MSRA: variants seen among roughly 807,000 people sequenced by gnomAD.
MSRA encodes mitochondrial peptide methionine sulfoxide reductase.
A neutral mutation model predicts 31.3 loss-of-function variants in MSRA; 54 were observed. The observed-to-expected ratio is 1.73, with a 90% CI of 1.39 to 2.17. MSRA has a LOEUF of 2.17. Among genes scored for constraint, MSRA ranks in the 30% most tolerant of loss-of-function variants. MSRA has a pLI of 0.00. For missense variants in MSRA, 507 were observed against 300.9 expected (o/e 1.69, Z -5.07); for synonymous variants, 169 against 116.5 (o/e 1.45, Z -2.90).
At chr8:10,308,274 T>C (rs1338130054) in intron 4 of MSRA, among the ~76,000 whole-genome samples, 1 of 152,250 alleles carries the variant, frequency 6.6e-6, no homozygotes, top group Non-Finnish European at 1.5e-5. Context: ...CCAGTTACCC[T>C]TCTGAAAGCC....
At chr8:10,080,352 C>T (rs773548220) in intron 1 of MSRA, among the ~76,000 whole-genome samples, 3 of 150,758 alleles carry the variant, frequency 2.0e-5, no homozygotes, top group Non-Finnish European at 4.4e-5. Flanking sequence ...CTTACAGAGA[C>T]CAACCCTGTT....
intron 1 of MSRA, among the ~76,000 whole-genome samples, chr8:10,063,197 T>A (rs1286918665): frequency 6.6e-6 from 1 of 152,128 alleles, no homozygotes; most frequent in Admixed American, 6.5e-5. Context: ...GCAGTCAGGG[T>A]CATCTTTGAG....
chr8:10,123,461 G>A (rs1387243142), intron 1 of MSRA, among the ~76,000 whole-genome samples: 1 of 152,160 alleles, frequency 6.6e-6, no homozygotes, highest in Non-Finnish European at 1.5e-5. Flanking sequence ...CTCCCATTCT[G>A]TAGGTTGTCT....
At chr8:10,315,159 C>T (rs1398770613) in intron 4 of MSRA, among the ~76,000 whole-genome samples, 3 of 152,168 alleles carry the variant, frequency 2.0e-5, no homozygotes, top group Non-Finnish European at 4.4e-5. Flanking sequence ...ACCTGCCCCC[C>T]GTGATTCAGT....
chr8:10,341,242 G>T (rs1803408008), intron 5 of MSRA, among the ~76,000 whole-genome samples: 4 of 152,242 alleles, frequency 2.6e-5, no homozygotes, highest in Admixed American at 2.6e-4. Context: ...CAGGAAGCCT[G>T]CTGGCATCTG....
At chr8:10,059,048 A>G (rs1051462259) in intron 1 of MSRA, 1 of 152,226 alleles carries the variant, frequency 6.6e-6, no homozygotes. Context: ...ACAAAAGAGG[A>G]AAAAAGATCA....
chr8:10,323,182 G>C (rs1802154855), intron 5 of MSRA, among the ~76,000 whole-genome samples: 1 of 151,680 alleles, frequency 6.6e-6, no homozygotes, highest in African/African-American at 2.4e-5. Flanking sequence ...TGTCCAACCA[G>C]GCAGGACACT....
At chr8:10,069,239 A>ACACCT (rs1797610314) in intron 1 of MSRA, among the ~76,000 whole-genome samples, 1 of 152,050 alleles carries the variant, frequency 6.6e-6, no homozygotes, top group Non-Finnish European at 1.5e-5. Context: ...CCCAATCTGT[A>ACACCT]CACCTTTTAT....
At chr8:10,330,359 C>T (rs1395054994) in intron 5 of MSRA, among the ~76,000 whole-genome samples, 2 of 152,066 alleles carry the variant, frequency 1.3e-5, no homozygotes, top group Non-Finnish European at 2.9e-5. Context: ...AATATTTAGC[C>T]ATGCTATAAC....
intron 1 of MSRA, among the ~76,000 whole-genome samples, chr8:10,073,110 T>C (rs1797823566): frequency 2.0e-5 from 3 of 152,098 alleles, no homozygotes; most frequent in African/African-American, 7.2e-5. Context: ...CAGTATTATG[T>C]TAAATAAAAG....
chr8:10,058,338 C>T (rs1281793771), intron 1 of MSRA, among the ~76,000 whole-genome samples: 1 of 151,950 alleles, frequency 6.6e-6, no homozygotes, highest in Non-Finnish European at 1.5e-5. Flanking sequence ...CAAAATAAGT[C>T]CTGAGAAGAG....
chr8:10,390,310 T>C (rs1170946698), intron 5 of MSRA, among the ~76,000 whole-genome samples: 2 of 152,148 alleles, frequency 1.3e-5, no homozygotes, highest in Admixed American at 6.5e-5. Flanking sequence ...CTGTGCGAAA[T>C]GGGCAGCCTG....
chr8:10,324,826 T>A (rs1036401799), intron 5 of MSRA, among the ~76,000 whole-genome samples: 4 of 152,198 alleles, frequency 2.6e-5, no homozygotes, highest in Admixed American at 6.5e-5. Flanking sequence ...ATTTATGAAA[T>A]GACTAGGCAT....
At chr8:10,308,219 T>A (rs551497552) in intron 4 of MSRA, among the ~76,000 whole-genome samples, 1 of 152,376 alleles carries the variant, frequency 6.6e-6, no homozygotes, top group Non-Finnish European at 1.5e-5. Context: ...GCTGAACCTA[T>A]GTCTTGACTA....
chr8:10,425,533 G>A (rs867809852), intron 5 of MSRA, among the ~76,000 whole-genome samples: 3 of 152,242 alleles, frequency 2.0e-5, no homozygotes, highest in East Asian at 1.9e-4. Context: ...TCTGGAGACC[G>A]CAGCTGTGCC....
At chr8:10,149,547 G>C (rs984677649) in intron 1 of MSRA, among the ~76,000 whole-genome samples, 2 of 152,140 alleles carry the variant, frequency 1.3e-5, no homozygotes, top group Non-Finnish European at 2.9e-5. Context: ...CGTGATACTT[G>C]CCAATTTCCC....
intron 1 of MSRA, among the ~76,000 whole-genome samples, chr8:10,158,264 A>T (rs1563163715): frequency 6.6e-6 from 1 of 152,258 alleles, no homozygotes; most frequent in Non-Finnish European, 1.5e-5. Flanking sequence ...AGACCGTAGC[A>T]AATGGGTATG....
intron 2 of MSRA, among the ~76,000 whole-genome samples, chr8:10,233,018 G>A (rs1297547336): frequency 6.6e-6 from 1 of 152,204 alleles, no homozygotes; most frequent in Non-Finnish European, 1.5e-5. Flanking sequence ...AGGTGGTGGT[G>A]GTGACAGGTA....
At chr8:10,090,238 C>G (rs1040960872) in intron 1 of MSRA, among the ~76,000 whole-genome samples, 4 of 152,128 alleles carry the variant, frequency 2.6e-5, no homozygotes, top group African/African-American at 7.2e-5. Context: ...CTGGGAGGGC[C>G]TAGCAGTCCA....
Sources: gnomAD v4.1 joint callset for allele counts (sites outside exome capture counted in the v4.1 genomes callset) on GRCh38, gnomAD v4.1.1 for gene constraint, MANE v1.5 for transcripts, NCBI Gene and HGNC (gene_info 2026-07-23, HGNC 2026-07-21) for gene names.